ITPR2: variants seen among roughly 807,000 people sequenced by gnomAD.
The protein encoded by ITPR2 is inositol 1,4,5-trisphosphate-gated calcium channel ITPR2.
ITPR2 carries 207 observed loss-of-function variants against 317.1 expected under a neutral mutation model. The observed-to-expected ratio is 0.65, with a 90% CI of 0.58 to 0.73. The LOEUF (loss-of-function observed/expected upper bound fraction) is 0.73. Ranked by LOEUF, ITPR2 falls within the 30% of genes least tolerant of loss-of-function variation. The pLI is 0.00. For missense variants in ITPR2, 2,613 were observed against 3,284.0 expected (o/e 0.80, Z 4.99); for synonymous variants, 1,156 against 1,149.1 (o/e 1.01, Z -0.12).
chr12:26,786,316 G>C (rs1182052851), intron 2 of ITPR2, among the ~76,000 whole-genome samples: 3 of 119,580 alleles, frequency 2.5e-5, no homozygotes, highest in Non-Finnish European at 5.3e-5. Context: ...CAAACACTGC[G>C]GAAGGCCGCA....
At chr12:26,411,674 T>C (rs1337492931) in intron 51 of ITPR2, among the ~76,000 whole-genome samples, 1 of 152,202 alleles carries the variant, frequency 6.6e-6, no homozygotes, top group Admixed American at 6.5e-5. Context: ...GTATTAATAC[T>C]GTAGACCTTT....
At chr12:26,661,392 C>T (rs1364165413) in intron 15 of ITPR2, among the ~76,000 whole-genome samples, 1 of 151,578 alleles carries the variant, frequency 6.6e-6, no homozygotes, top group Admixed American at 6.6e-5. Context: ...TGAGAAAGAA[C>T]CATGTGTGCC....
At chr12:26,429,154 G>A (rs1941142862) in intron 48 of ITPR2, among the ~76,000 whole-genome samples, 1 of 152,182 alleles carries the variant, frequency 6.6e-6, no homozygotes, top group Admixed American at 6.5e-5. Flanking sequence ...TTAGTTCATA[G>A]TGTGTGCTAA....
intron 26 of ITPR2, among the ~76,000 whole-genome samples, chr12:26,617,163 C>G (rs1489356657): frequency 6.6e-6 from 1 of 151,982 alleles, no homozygotes; most frequent in East Asian, 1.9e-4. Flanking sequence ...CAAGGGTAAA[C>G]TGTACATAAA....
chr12:26,581,308 G>C (rs573688216), intron 32 of ITPR2, among the ~76,000 whole-genome samples: 3 of 152,048 alleles, frequency 2.0e-5, no homozygotes, highest in Non-Finnish European at 4.4e-5. Flanking sequence ...AAATGGAGGC[G>C]GGAGAAAGAG....
chr12:26,425,096 A>C (rs1941016271), intron 49 of ITPR2, among the ~76,000 whole-genome samples: 1 of 151,842 alleles, frequency 6.6e-6, no homozygotes, highest in Admixed American at 6.6e-5. Flanking sequence ...GGTAGATGAT[A>C]TTCGCTAAAA....
chr12:26,802,571 ATAGATATAGATATAT>A (rs1250868066), intron 1 of ITPR2, among the ~76,000 whole-genome samples: 23 of 8,754 alleles, frequency 2.6e-3, no homozygotes, highest in Non-Finnish European at 4.8e-3. Flanking sequence ...ATATATAGAT[ATAGATATAGATATAT>A]CTATATATAG....
chr12:26,660,489 G>A lies in ITPR2; in HGVS notation c.1714-1204C>T, dbSNP rs565610184. On this transcript the variant is annotated intron_variant, in intron 15 of 56. Transcript: ENST00000381340. ...TCCTTGGGATTCTCCCTGGAAATGT[G>A]TCTTTGTTTCTCTGACAAGACAACT... Among the ~76,000 whole-genome samples, 4 of 152,304 alleles carry A rather than the reference G, an allele frequency of 2.6e-5. No homozygotes were observed. The South Asian group carries it at 8.3e-4, about 32-fold the overall frequency.
chr12:26,568,802 T>C (rs1379182933), intron 34 of ITPR2, among the ~76,000 whole-genome samples: 1 of 152,192 alleles, frequency 6.6e-6, no homozygotes, highest in Non-Finnish European at 1.5e-5. Flanking sequence ...ACATTTCCTG[T>C]ATCATGTCAA....
intron 9 of ITPR2, among the ~76,000 whole-genome samples, chr12:26,700,243 T>C (rs570624752): frequency 1.3e-5 from 2 of 152,036 alleles, no homozygotes; most frequent in East Asian, 3.9e-4. Flanking sequence ...AAGGTAGCAT[T>C]TGAGATAAGC....
At chr12:26,745,801 C>G (rs1181979581) in intron 2 of ITPR2, among the ~76,000 whole-genome samples, 1 of 152,156 alleles carries the variant, frequency 6.6e-6, no homozygotes, top group Non-Finnish European at 1.5e-5. Context: ...ACTCATAACT[C>G]AAATTTTAGT....
chr12:26,825,741 C>A (rs1285309627), intron 1 of ITPR2, among the ~76,000 whole-genome samples: 1 of 152,150 alleles, frequency 6.6e-6, no homozygotes, highest in Non-Finnish European at 1.5e-5. Context: ...GAAATAGTCA[C>A]CCTTTCAGCT....
chr12:26,622,522 T>G, intron 24 of ITPR2, 117 bp from the exon 25 acceptor site: 1 of 744,296 alleles, frequency 1.3e-6, no homozygotes, highest in Non-Finnish European at 2.0e-6. Context: ...AATTAGGAAG[T>G]GAACAGGAAA....
intron 36 of ITPR2, among the ~76,000 whole-genome samples, chr12:26,555,790 G>A (rs75248451): frequency 6.6e-6 from 1 of 152,260 alleles, no homozygotes; most frequent in East Asian, 1.9e-4. Flanking sequence ...TGACCTCCCA[G>A]TCTCTGGGTG....
At chr12:26,522,020 T>C (rs1943679521) in intron 37 of ITPR2, among the ~76,000 whole-genome samples, 1 of 152,202 alleles carries the variant, frequency 6.6e-6, no homozygotes, top group African/African-American at 2.4e-5. Flanking sequence ...TACTATAAAA[T>C]ACTACAGCGT....
At position 26,656,283 on chromosome 12, in the gene ITPR2, T is replaced by C; in HGVS notation, c.2444+14A>G. The stretch of plus-strand genomic sequence containing the variant: ...GATGAATTCCAAAGCCTCAAGACCT[T>C]TTTCCAAACATACTCATGAATTGTG... On this transcript the variant is annotated intron_variant, in intron 19 of 56. Coordinates refer to ENST00000381340, the MANE Select transcript of ITPR2 (RefSeq NM_002223.4). 2 of 1,612,890 alleles carry C rather than the reference T, an allele frequency of 1.2e-6. No homozygotes were observed. The highest frequency in any genetic ancestry group is 1.7e-6 in the Non-Finnish European group (2 of 1,179,084).
chr12:26,722,571 A>T lies in ITPR2; in HGVS notation c.367-16T>A. On this transcript the variant is annotated splice_polypyrimidine_tract_variant and intron_variant, in intron 4 of 56. Transcript: ENST00000381340. ...TATGCAGTAGCTATAGGGAAAAGACATAGATTACCACCTTTATTCTTTGTT... is the reference window on the plus strand; with the variant it reads ...TATGCAGTAGCTATAGGGAAAAGACTTAGATTACCACCTTTATTCTTTGTT... 6.3e-7 allele frequency: 1 copy of T among 1,587,058 alleles called. No individual in the cohort carries two copies. Among genetic ancestry groups the T allele is most frequent in the Non-Finnish European group, 8.6e-7 (1 of 1,157,962 alleles).
At chr12:26,805,046 A>G (rs1196705382) in intron 1 of ITPR2, among the ~76,000 whole-genome samples, 1 of 152,120 alleles carries the variant, frequency 6.6e-6, no homozygotes. Flanking sequence ...GAGATCCCTA[A>G]TTCTAATCCC....
chr12:26,544,278 G>C (rs568751115), intron 37 of ITPR2, among the ~76,000 whole-genome samples: 6 of 151,976 alleles, frequency 3.9e-5, no homozygotes, highest in Non-Finnish European at 7.4e-5. Context: ...AAGAAACATG[G>C]GTCAAGGAAG....
Sources: gnomAD v4.1 joint callset for allele counts (sites outside exome capture counted in the v4.1 genomes callset) on GRCh38, gnomAD v4.1.1 for gene constraint, MANE v1.5 for transcripts, NCBI Gene and HGNC (gene_info 2026-07-23, HGNC 2026-07-21) for gene names.